IKBKB-DT: variants seen among roughly 807,000 people sequenced by gnomAD.
The protein encoded by IKBKB-DT is IKBKB antisense RNA.
At chr8:42,258,430 C>T (rs1174753627) in intron 3 of IKBKB-DT, among the ~76,000 whole-genome samples, 1 of 151,952 alleles carries the variant, frequency 6.6e-6, no homozygotes, top group Non-Finnish European at 1.5e-5. Flanking sequence ...CAGGCATGTG[C>T]CACCATGCCT....
chr8:42,259,295 G>C (rs531627974), intron 3 of IKBKB-DT, among the ~76,000 whole-genome samples: 5 of 152,272 alleles, frequency 3.3e-5, no homozygotes, highest in African/African-American at 1.2e-4. Flanking sequence ...AAAGTGCTGG[G>C]ATTACAGGCA....
At chr8:42,237,089 T>TA (rs201221523) in intron 3 of IKBKB-DT, among the ~76,000 whole-genome samples, 1 of 151,156 alleles carries the variant, frequency 6.6e-6, no homozygotes, top group African/African-American at 2.4e-5. Context: ...AGTTTTTTTT[T>TA]TTTGTTTGTT....
At chr8:42,243,346 T>C (rs1807026810) in intron 3 of IKBKB-DT, among the ~76,000 whole-genome samples, 1 of 152,022 alleles carries the variant, frequency 6.6e-6, no homozygotes, top group Non-Finnish European at 1.5e-5. Flanking sequence ...GAGGAGGTAA[T>C]AGACTATTAT....
chr8:42,258,495 C>T (rs1332814743), intron 3 of IKBKB-DT, among the ~76,000 whole-genome samples: 1 of 150,374 alleles, frequency 6.7e-6, no homozygotes, highest in Non-Finnish European at 1.5e-5. Context: ...GACGGAGTCT[C>T]ACTCTGTCGC....
In IKBKB-DT at chr8:42,260,668, CAAAAAAAAAAA is replaced by C. The variant is rs771731696; in HGVS notation, n.1529+2650_1529+2660del. Among the ~76,000 whole-genome samples the C allele has an allele frequency of 8.9e-5, 4 of 44,932 alleles. No homozygotes were observed. The Admixed American group carries it at 9.1e-4, about 10-fold the overall frequency. The allele number at this position is 44,932 out of a possible 152,430, so 29.5% of individuals were successfully genotyped here. ...TGGGTGACAGAGCAAGACTCTGTCT[CAAAAAAAAAAA>C]AAAAAAAAAAAAAATCCTTTCAAAT... On this transcript the variant is annotated intron_variant and non_coding_transcript_variant, in intron 3 of 3. Coordinates refer to ENST00000518213, the Ensembl canonical transcript of IKBKB-DT.
At chr8:42,252,122 G>A (rs528845017) in intron 3 of IKBKB-DT, among the ~76,000 whole-genome samples, 4 of 152,352 alleles carry the variant, frequency 2.6e-5, no homozygotes, top group African/African-American at 9.6e-5. Flanking sequence ...CCCCACATAT[G>A]CAGTAAAAGA....
At chr8:42,239,198 A>C (rs1340110729) in intron 3 of IKBKB-DT, among the ~76,000 whole-genome samples, 1 of 152,088 alleles carries the variant, frequency 6.6e-6, no homozygotes, top group African/African-American at 2.4e-5. Flanking sequence ...TCAATCAAAA[A>C]ACACTCATCA....
At chr8:42,253,817 AC>A (rs1807159902) in intron 3 of IKBKB-DT, among the ~76,000 whole-genome samples, 1 of 152,200 alleles carries the variant, frequency 6.6e-6, no homozygotes, top group Non-Finnish European at 1.5e-5. Flanking sequence ...CATCCACCCT[AC>A]TGCTGTGCCC....
chr8:42,264,621 C>T (rs1370845647), intron 2 of IKBKB-DT, among the ~76,000 whole-genome samples: 6 of 152,148 alleles, frequency 3.9e-5, no homozygotes, highest in Non-Finnish European at 5.9e-5. Context: ...TGCAGTAGCA[C>T]GATCTCAGCT....
At chr8:42,270,571 T>A (rs1256622917) in intron 1 of IKBKB-DT, 1 of 152,284 alleles carries the variant, frequency 6.6e-6, no homozygotes, top group African/African-American at 2.4e-5. Context: ...ACTCTATAGA[T>A]GTGAGCTATT....
intron 1 of IKBKB-DT, among the ~76,000 whole-genome samples, chr8:42,266,952 G>A (rs1807378976): frequency 6.6e-6 from 1 of 151,902 alleles, no homozygotes; most frequent in Non-Finnish European, 1.5e-5. Flanking sequence ...TCTGTCTAAG[G>A]AGTAGCCGTT....
intron 3 of IKBKB-DT, among the ~76,000 whole-genome samples, chr8:42,244,845 T>C (rs943382278): frequency 1.3e-5 from 2 of 152,244 alleles, no homozygotes; most frequent in African/African-American, 4.8e-5. Flanking sequence ...CTCTGTGCTC[T>C]AGTTTATAAC....
intron 3 of IKBKB-DT, among the ~76,000 whole-genome samples, chr8:42,259,140 C>T (rs1414230352): frequency 2.0e-5 from 3 of 152,146 alleles, no homozygotes; most frequent in Non-Finnish European, 4.4e-5. Context: ...ATTCTCCTGC[C>T]TCAGCCTCCT....
rs951497547 is a variant in IKBKB-DT at position 42,249,804 on chromosome 8, C to T, written n.1529+13525G>A. 6.6e-5 allele frequency among the ~76,000 whole-genome samples: 10 copies of T among 152,016 alleles called. 1 individual carries two copies. The highest frequency in any genetic ancestry group is 1.9e-4 in the East Asian group (1 of 5,194). On this transcript the variant is annotated intron_variant and non_coding_transcript_variant, in intron 3 of 3. Coordinates refer to ENST00000518213, the Ensembl canonical transcript of IKBKB-DT. Reference sequence around the variant, plus strand: ...ATGTTAAGACATTATGGGATGGGCACGGTAGCTCACACCTGTCATCCTGGC... The same window carrying T: ...ATGTTAAGACATTATGGGATGGGCATGGTAGCTCACACCTGTCATCCTGGC...
At chr8:42,262,740 A>AT (rs1807308523) in intron 3 of IKBKB-DT, among the ~76,000 whole-genome samples, 1 of 148,840 alleles carries the variant, frequency 6.7e-6, no homozygotes, top group Admixed American at 6.7e-5. Context: ...TGCCTGGCCT[A>AT]TTTTTTTATT....
chr8:42,234,873 G>T (rs1361209211), intron 3 of IKBKB-DT, among the ~76,000 whole-genome samples: 3 of 152,148 alleles, frequency 2.0e-5, no homozygotes, highest in African/African-American at 7.2e-5. Flanking sequence ...CAGGTGATCT[G>T]CCCGCCTTGG....
At chr8:42,244,523 T>C (rs1250259356) in intron 3 of IKBKB-DT, among the ~76,000 whole-genome samples, 1 of 152,182 alleles carries the variant, frequency 6.6e-6, no homozygotes, top group Admixed American at 6.5e-5. Context: ...CCTGTGCTGA[T>C]TAATAATAAT....
intron 3 of IKBKB-DT, among the ~76,000 whole-genome samples, chr8:42,242,343 G>C (rs1001437532): frequency 6.6e-6 from 1 of 152,152 alleles, no homozygotes; most frequent in African/African-American, 2.4e-5. Context: ...ATTTTGAATA[G>C]AACTAATATC....
At chr8:42,252,616 G>A (rs192105607) in intron 3 of IKBKB-DT, among the ~76,000 whole-genome samples, 12 of 152,268 alleles carry the variant, frequency 7.9e-5, no homozygotes, top group African/African-American at 1.2e-4. Context: ...ATCCTCCTGC[G>A]CTGGCCTCCC....
Sources: allele counts gnomAD v4.1 joint callset (sites outside exome capture counted in the v4.1 genomes callset), GRCh38; gene constraint gnomAD v4.1.1; transcripts MANE v1.5; gene names NCBI Gene and HGNC (gene_info 2026-07-23, HGNC 2026-07-21).